RTTN: variants seen among roughly 807,000 people sequenced by gnomAD.
RTTN encodes the protein rotatin.
RTTN carries 182 observed loss-of-function variants against 269.2 expected under a neutral mutation model. That is an observed-to-expected ratio of 0.68 (90% CI 0.60 to 0.76). The LOEUF is 0.76. RTTN is among the 30% of genes least tolerant of loss of function. The probability of loss-of-function intolerance (pLI) is 0.00; values close to 1 mark genes in which losing one functional copy is unlikely to be tolerated. For missense variants in RTTN, 2,545 were observed against 2,608.6 expected (o/e 0.98, Z 0.53); for synonymous variants, 1,006 against 963.5 (o/e 1.04, Z -0.82).
chr18:70,202,089 T>C, intron 3 of RTTN, 106 bp from the exon 4 acceptor site: 1 of 612,436 alleles, frequency 1.6e-6, no homozygotes, highest in Non-Finnish European at 2.6e-6. Flanking sequence ...GGAATCATTT[T>C]AAAAATTAAA....
At chr18:70,089,213 T>C (rs1228488686) in intron 30 of RTTN, among the ~76,000 whole-genome samples, 1 of 152,174 alleles carries the variant, frequency 6.6e-6, no homozygotes, top group Non-Finnish European at 1.5e-5. Context: ...ACAGAGCTAT[T>C]AGGTGATTAC....
chr18:70,150,355 T>A (rs2060504830), intron 15 of RTTN, among the ~76,000 whole-genome samples: 1 of 152,204 alleles, frequency 6.6e-6, no homozygotes, highest in Non-Finnish European at 1.5e-5. Context: ...ACTGTATAGT[T>A]CTCTACATCT....
intron 8 of RTTN, among the ~76,000 whole-genome samples, chr18:70,192,685 A>G (rs868128949): frequency 2.8e-4 from 43 of 151,822 alleles, no homozygotes; most frequent in African/African-American, 6.0e-4. Context: ...AAAAAAAAAA[A>G]AAAAGAAAAA....
intron 32 of RTTN, among the ~76,000 whole-genome samples, chr18:70,076,220 A>T (rs2058426486): frequency 6.6e-6 from 1 of 152,046 alleles, no homozygotes; most frequent in Non-Finnish European, 1.5e-5. Context: ...AGCAATGAGG[A>T]TTGGTTTGAA....
chr18:70,172,722 C>A (rs2061174085), intron 11 of RTTN, among the ~76,000 whole-genome samples: 1 of 151,562 alleles, frequency 6.6e-6, no homozygotes, highest in South Asian at 2.1e-4. Flanking sequence ...ATTAACTTTA[C>A]ATTATTCTGG....
chr18:70,116,190 C>G (rs920878355), intron 26 of RTTN, among the ~76,000 whole-genome samples: 2 of 151,854 alleles, frequency 1.3e-5, no homozygotes, highest in Non-Finnish European at 2.9e-5. Context: ...CTTCTGACTC[C>G]CAAAACTACT....
chr18:70,127,378 T>C (rs1283652634), intron 25 of RTTN, 124 bp downstream of exon 25: 3 of 1,146,746 alleles, frequency 2.6e-6, no homozygotes, highest in East Asian at 2.4e-5. Flanking sequence ...ATAAAAATCC[T>C]GGAGTTTTTC....
intron 45 of RTTN, chr18:70,019,221 C>G (rs1354380285): frequency 2.0e-5 from 3 of 151,976 alleles, no homozygotes; most frequent in African/African-American, 7.3e-5. Context: ...TTTGTTAAAC[C>G]CAAATGAAGC....
chr18:70,094,044 A>G (rs973350928), intron 28 of RTTN, among the ~76,000 whole-genome samples: 2 of 152,012 alleles, frequency 1.3e-5, no homozygotes, highest in African/African-American at 4.8e-5. Context: ...GTGTCCAGGA[A>G]TTTATCCATT....
rs1381304279 is a variant in RTTN at position 70,048,197 on chromosome 18, A to G, written c.5324-9T>C. 3 of 1,597,982 alleles carry G rather than the reference A, an allele frequency of 1.9e-6. No homozygotes were observed. The highest frequency in any genetic ancestry group is 3.4e-5 in the Admixed American group (2 of 58,982). ...ACATGTGCAGAACATATCTAAAGGA[A>G]TAATTTCAGATGTGAATGTTTGAAA... On this transcript the variant is annotated splice_polypyrimidine_tract_variant and intron_variant, in intron 39 of 48. Transcript: ENST00000640769.
At chr18:70,094,735 T>C (rs879541153) in intron 28 of RTTN, among the ~76,000 whole-genome samples, 4 of 152,172 alleles carry the variant, frequency 2.6e-5, no homozygotes, top group Non-Finnish European at 4.4e-5. Flanking sequence ...AAGTGCGATG[T>C]GGTGCTGAGA....
At chr18:70,078,519 C>A (rs2058483486) in intron 32 of RTTN, among the ~76,000 whole-genome samples, 1 of 151,876 alleles carries the variant, frequency 6.6e-6, no homozygotes, top group Admixed American at 6.6e-5. Flanking sequence ...CAAACAGGAA[C>A]CTCAAGGGAA....
chr18:70,111,673 T>C (rs997021267), intron 27 of RTTN, among the ~76,000 whole-genome samples: 2 of 152,176 alleles, frequency 1.3e-5, no homozygotes, highest in African/African-American at 4.8e-5. Context: ...CAAATCTATG[T>C]TCGATTGGTG....
chr18:70,114,331 T>C (rs2059548965), intron 27 of RTTN, 114 bp downstream of exon 27: 2 of 962,332 alleles, frequency 2.1e-6, no homozygotes, highest in African/African-American at 3.3e-5. Flanking sequence ...ATTATTTAAG[T>C]ATTTGAAAGA....
chr18:70,136,056 T>C (rs538530944), intron 21 of RTTN, among the ~76,000 whole-genome samples: 1 of 152,260 alleles, frequency 6.6e-6, no homozygotes, highest in South Asian at 2.1e-4. Flanking sequence ...AGAGAAGAGA[T>C]TTTTCCTAAC....
At chr18:70,140,033 G>T in intron 20 of RTTN, 67 bp downstream of exon 20, 1 of 1,061,342 alleles carries the variant, frequency 9.4e-7, no homozygotes, top group Non-Finnish European at 1.5e-6. Flanking sequence ...ATTCTGCTCA[G>T]TTCAATTTCA....
intron 30 of RTTN, chr18:70,091,738 T>C (rs1270362096): frequency 1.3e-5 from 2 of 155,754 alleles, no homozygotes; most frequent in Admixed American, 6.4e-5. Context: ...ACTATGTATA[T>C]GTATATATGT....
At chr18:70,184,415 G>A (rs992865432) in intron 10 of RTTN, among the ~76,000 whole-genome samples, 2 of 152,086 alleles carry the variant, frequency 1.3e-5, no homozygotes, top group African/African-American at 4.8e-5. Flanking sequence ...AATTAGCTGG[G>A]CACATGCCTG....
chr18:70,065,998 T>A lies in RTTN; in HGVS notation c.4654-76A>T, dbSNP rs11151561. ...AAACACAGGCAACATACACACAAGATATCCTTAAACAAGGAGGTTTAAGAC... is the reference window on the plus strand; with the variant it reads ...AAACACAGGCAACATACACACAAGAAATCCTTAAACAAGGAGGTTTAAGAC... On this transcript the variant is annotated intron_variant, in intron 34 of 48. Transcript: ENST00000640769. The A allele has an allele frequency of 0.88, 807,957 of 920,960 alleles. 365,563 individuals are homozygous for A. The highest frequency in any genetic ancestry group is 1 in the East Asian group (37,622 of 37,666). 57.0% of individuals were successfully genotyped at this position (920,960 alleles called of 1,614,324 possible).
Sources: allele counts gnomAD v4.1 joint callset (sites outside exome capture counted in the v4.1 genomes callset), GRCh38; gene constraint gnomAD v4.1.1; transcripts MANE v1.5; gene names NCBI Gene and HGNC (gene_info 2026-07-23, HGNC 2026-07-21).